LRRC4C: variants seen among roughly 807,000 people sequenced by gnomAD.
The protein encoded by LRRC4C is leucine rich repeat containing 4C.
LRRC4C carries 5 observed loss-of-function variants against 33.6 expected under a neutral mutation model. The observed-to-expected ratio is 0.15, with a 90% CI of 0.08 to 0.31. The LOEUF (loss-of-function observed/expected upper bound fraction) is 0.31. Among genes scored for constraint, LRRC4C ranks in the 10% least tolerant of loss-of-function variants. The pLI is 1.00. For missense variants in LRRC4C, 560 were observed against 796.7 expected (o/e 0.70, Z 3.58); for synonymous variants, 329 against 302.0 (o/e 1.09, Z -0.93).
intron 3 of LRRC4C, among the ~76,000 whole-genome samples, chr11:40,532,707 G>A (rs1956319729): frequency 6.7e-6 from 1 of 148,582 alleles, no homozygotes; most frequent in South Asian, 2.1e-4. Flanking sequence ...AGTGGGGGAG[G>A]AGTTGAGTAT....
rs1956798359 is a variant in LRRC4C at position 40,913,636 on chromosome 11, A to C, written c.-407+19999T>G. The stretch of plus-strand genomic sequence containing the variant: ...GACACCCTAACATCACTATTAAAGG[A>C]ACTTGAGAAGCAAGAGCGAACACAT... On this transcript the variant is annotated intron_variant, in intron 2 of 6. Coordinates refer to ENST00000528697, the MANE Select transcript of LRRC4C (RefSeq NM_001258419.2). 2.0e-5 allele frequency among the ~76,000 whole-genome samples: 3 copies of C among 152,218 alleles called. No homozygotes were observed. The South Asian group carries it at 6.2e-4, about 32-fold the overall frequency.
At chr11:40,849,953 T>A (rs1591882703) in intron 2 of LRRC4C, among the ~76,000 whole-genome samples, 1 of 151,812 alleles carries the variant, frequency 6.6e-6, no homozygotes, top group East Asian at 2.0e-4. Flanking sequence ...TTCATGAAGT[T>A]CTTGTGCTGT....
chr11:40,650,869 C>T (rs536702985), intron 2 of LRRC4C, among the ~76,000 whole-genome samples: 4 of 152,260 alleles, frequency 2.6e-5, no homozygotes, highest in African/African-American at 4.8e-5. Flanking sequence ...CATTAATGCC[C>T]TCTTGTTCCC....
rs527570569 is a variant in LRRC4C, at chr11:41,090,821, CGTGAAGAA to C, written c.-495-157106_-495-157099del. 5.6e-4 allele frequency among the ~76,000 whole-genome samples: 86 copies of C among 152,216 alleles called. 2 individuals are homozygous for C. The South Asian group carries it at 0.018, about 31-fold the overall frequency. The stretch of plus-strand genomic sequence containing the variant: ...ACTAGCTCTCTCTTTCCAGTCACCA[CGTGAAGAA>C]GGTCTTTGTTTTCCCTTTGCCTTCC... On this transcript the variant is annotated intron_variant, in intron 1 of 6. Coordinates refer to ENST00000528697, the MANE Select transcript of LRRC4C (RefSeq NM_001258419.2).
intron 2 of LRRC4C, among the ~76,000 whole-genome samples, chr11:40,831,502 C>T (rs150431164): frequency 1.6e-4 from 25 of 152,080 alleles, no homozygotes; most frequent in Non-Finnish European, 3.4e-4. Flanking sequence ...ATTAGATTTA[C>T]AATTTGAAAT....
At chr11:41,133,319 C>T (rs533677498) in intron 1 of LRRC4C, among the ~76,000 whole-genome samples, 1 of 152,072 alleles carries the variant, frequency 6.6e-6, no homozygotes, top group African/African-American at 2.4e-5. Context: ...AAGTGATCTC[C>T]AAAGAGAGTA....
At chr11:40,794,871 T>C (rs1359353677) in intron 2 of LRRC4C, among the ~76,000 whole-genome samples, 2 of 152,192 alleles carry the variant, frequency 1.3e-5, no homozygotes, top group African/African-American at 4.8e-5. Context: ...AAGTTTGATA[T>C]CTGGCCTAGG....
At chr11:40,746,355 C>G (rs929842808) in intron 2 of LRRC4C, among the ~76,000 whole-genome samples, 4 of 152,188 alleles carry the variant, frequency 2.6e-5, no homozygotes. Context: ...ACCGTGTACT[C>G]TCCCAGAAAC....
chr11:41,196,542 C>T (rs540665363), intron 1 of LRRC4C, among the ~76,000 whole-genome samples: 1 of 151,984 alleles, frequency 6.6e-6, no homozygotes, highest in African/African-American at 2.4e-5. Context: ...GGAATAAATA[C>T]TTGATCACTG....
At chr11:40,179,376 T>G (rs1207396928) in intron 5 of LRRC4C, among the ~76,000 whole-genome samples, 1 of 152,140 alleles carries the variant, frequency 6.6e-6, no homozygotes, top group Non-Finnish European at 1.5e-5. Context: ...TCTTGTTGAG[T>G]CCTCACTGAA....
At chr11:41,342,080 C>T (rs1951659482) in intron 1 of LRRC4C, among the ~76,000 whole-genome samples, 1 of 151,572 alleles carries the variant, frequency 6.6e-6, no homozygotes. Context: ...GGCATTGAAG[C>T]CTTGTATCTT....
chr11:40,777,406 AT>A (rs150554857), intron 2 of LRRC4C, among the ~76,000 whole-genome samples: 4,839 of 151,624 alleles, frequency 0.032, 77 homozygotes, highest in South Asian at 0.037. Flanking sequence ...TGGTGTTCTA[AT>A]TTGGGGTGTG....
At chr11:40,825,164 G>A (rs1276145315) in intron 2 of LRRC4C, among the ~76,000 whole-genome samples, 1 of 151,964 alleles carries the variant, frequency 6.6e-6, no homozygotes, top group Non-Finnish European at 1.5e-5. Flanking sequence ...GAAGTTAAAT[G>A]AATTATTCAG....
chr11:41,256,275 C>G (rs1797807861), intron 1 of LRRC4C, among the ~76,000 whole-genome samples: 3 of 151,870 alleles, frequency 2.0e-5, no homozygotes, highest in African/African-American at 2.4e-5. Context: ...TCAATCCATC[C>G]AGGAAAATGA....
At chr11:40,596,945 AAGAT>A (rs1177556920) in intron 3 of LRRC4C, among the ~76,000 whole-genome samples, 1 of 152,238 alleles carries the variant, frequency 6.6e-6, no homozygotes. Flanking sequence ...ATACACAAAA[AAGAT>A]AGTCCGTATT....
At chr11:40,942,819 C>T (rs1958216629) in intron 1 of LRRC4C, among the ~76,000 whole-genome samples, 1 of 152,136 alleles carries the variant, frequency 6.6e-6, no homozygotes, top group African/African-American at 2.4e-5. Context: ...GAAAAGATAA[C>T]ACCAGACAGA....
At chr11:41,178,409 G>C (rs1040765067) in intron 1 of LRRC4C, among the ~76,000 whole-genome samples, 1 of 152,118 alleles carries the variant, frequency 6.6e-6, no homozygotes, top group East Asian at 1.9e-4. Flanking sequence ...AGGATGGCGT[G>C]ATCATGTAAT....
chr11:40,943,746 G>A (rs954234627), intron 1 of LRRC4C, among the ~76,000 whole-genome samples: 2 of 152,158 alleles, frequency 1.3e-5, no homozygotes, highest in African/African-American at 4.8e-5. Flanking sequence ...GCACACATTA[G>A]TCTCTTCATT....
intron 3 of LRRC4C, among the ~76,000 whole-genome samples, chr11:40,582,913 CAG>C (rs1958539878): frequency 6.6e-6 from 1 of 152,076 alleles, no homozygotes; most frequent in East Asian, 1.9e-4. Context: ...ATGATTCAAT[CAG>C]GGTATTTAGA....
Sources: allele counts gnomAD v4.1 joint callset (sites outside exome capture counted in the v4.1 genomes callset), GRCh38; gene constraint gnomAD v4.1.1; transcripts MANE v1.5; gene names NCBI Gene and HGNC (gene_info 2026-07-23, HGNC 2026-07-21).